The following POLN variants were observed in gnomAD, a reference collection of about 807,000 sequenced individuals.
POLN encodes DNA polymerase nu.
POLN carries 108 observed loss-of-function variants against 113.5 expected under a neutral mutation model. The ratio of observed to expected loss-of-function variants is 0.95; its 90% CI spans 0.81 to 1.12. The LOEUF is 1.12. Among genes scored for constraint, POLN ranks in the 50% most tolerant of loss-of-function variants. The pLI is 0.00. For missense variants in POLN, 1,097 were observed against 1,077.1 expected, an observed-to-expected ratio of 1.02 and a Z score of -0.26; for synonymous variants, 386 against 391.5, an observed-to-expected ratio of 0.99 and a Z score of 0.17.
chr4:2,207,020 T>C (rs1393055300), intron 5 of POLN, among the ~76,000 whole-genome samples: 1 of 151,732 alleles, frequency 6.6e-6, no homozygotes, highest in South Asian at 2.1e-4. Context: ...AATCAAGGAG[T>C]GAATAAAGAA....
At chr4:2,149,858 C>T (rs530695042) in intron 16 of POLN, among the ~76,000 whole-genome samples, 72 of 152,016 alleles carry the variant, frequency 4.7e-4, no homozygotes, top group Admixed American at 6.6e-4. Flanking sequence ...CCAAGGAGGG[C>T]GGATCACGAG....
intron 16 of POLN, among the ~76,000 whole-genome samples, chr4:2,148,646 G>T (rs951138655): frequency 6.9e-6 from 1 of 145,208 alleles, no homozygotes; most frequent in East Asian, 2.0e-4. Context: ...CAGCCTGGGC[G>T]ACAGAGCGAG....
chr4:2,077,672 T>C (rs1172959792), intron 23 of POLN, among the ~76,000 whole-genome samples: 1 of 152,264 alleles, frequency 6.6e-6, no homozygotes, highest in East Asian at 1.9e-4. Context: ...TTTTTCCAGA[T>C]TTAGCAGAAG....
intron 7 of POLN, among the ~76,000 whole-genome samples, chr4:2,187,799 C>T (rs1733316683): frequency 6.6e-6 from 1 of 152,046 alleles, no homozygotes; most frequent in Non-Finnish European, 1.5e-5. Context: ...AGTGGGATAA[C>T]CTATTCAAAG....
At chr4:2,177,601 C>G (rs1249239097) in intron 8 of POLN, among the ~76,000 whole-genome samples, 1 of 152,226 alleles carries the variant, frequency 6.6e-6, no homozygotes, top group Non-Finnish European at 1.5e-5. Context: ...GAGTTGAACC[C>G]TGGCCTCAAT....
At chr4:2,208,534 C>T (rs771398720) in intron 4 of POLN, 47 bp from the exon 5 acceptor site, 2 of 1,399,232 alleles carry the variant, frequency 1.4e-6, no homozygotes, top group South Asian at 1.5e-5. Flanking sequence ...ACTCATAAGA[C>T]AGATCTATAA....
chr4:2,133,534 G>A (rs2108727270), intron 16 of POLN, among the ~76,000 whole-genome samples: 1 of 152,268 alleles, frequency 6.6e-6, no homozygotes, highest in Middle Eastern at 3.4e-3. Flanking sequence ...TAAGCCTGGA[G>A]GCCATTATGC....
At chr4:2,144,381 G>A (rs1237759826) in intron 16 of POLN, among the ~76,000 whole-genome samples, 2 of 151,978 alleles carry the variant, frequency 1.3e-5, no homozygotes, top group African/African-American at 2.4e-5. Context: ...CTGACCTTGT[G>A]ATCTGCCTGC....
At chr4:2,181,227 C>G (rs1733133413) in intron 7 of POLN, among the ~76,000 whole-genome samples, 1 of 152,176 alleles carries the variant, frequency 6.6e-6, no homozygotes, top group Non-Finnish European at 1.5e-5. Flanking sequence ...TCACTGCAAC[C>G]TCTGCCTCTC....
At chr4:2,133,652 T>TTA (rs1306362526) in intron 16 of POLN, among the ~76,000 whole-genome samples, 6 of 152,218 alleles carry the variant, frequency 3.9e-5, no homozygotes, top group African/African-American at 1.4e-4. Context: ...GAAAACAACT[T>TTA]TATTAACTAG....
chr4:2,140,005 C>T (rs1312129100), intron 16 of POLN: 1 of 152,148 alleles, frequency 6.6e-6, no homozygotes, highest in African/African-American at 2.4e-5. Context: ...AGAACACTTC[C>T]TATTAGAACT....
intron 17 of POLN, among the ~76,000 whole-genome samples, chr4:2,129,479 C>T (rs1731667838): frequency 6.6e-6 from 1 of 152,024 alleles, no homozygotes; most frequent in Non-Finnish European, 1.5e-5. Flanking sequence ...GCCTCGCACT[C>T]CAGGGCTTAA....
At position 2,127,214 on chromosome 4, in the gene POLN, C is replaced by T. The variant is rs1577709085; in HGVS notation, c.1982+899G>A. On this transcript the variant is annotated intron_variant, in intron 19 of 25. Coordinates refer to ENST00000511885, the MANE Select transcript of POLN (RefSeq NM_181808.4). The surrounding 1 kb of genome is among the most constrained non-coding windows in gnomAD (Gnocchi z 4.7). ...GGCCCAAGGTGATGGGGAGGTGGCA[C>T]CTGCAGCTGATGAGGGAGGGGACAG... 6.6e-6 allele frequency among the ~76,000 whole-genome samples: 1 copy of T among 151,484 alleles called. No individual in the cohort carries two copies. Among genetic ancestry groups the T allele is most frequent in the African/African-American group, 2.4e-5 (1 of 41,150 alleles).
intron 5 of POLN, among the ~76,000 whole-genome samples, chr4:2,207,750 G>T (rs1733888161): frequency 6.6e-6 from 1 of 152,194 alleles, no homozygotes; most frequent in African/African-American, 2.4e-5. Context: ...AGGAGGTGGA[G>T]AATTTGAAAC....
At chr4:2,222,014 G>A (rs1018466895) in intron 3 of POLN, among the ~76,000 whole-genome samples, 5 of 152,156 alleles carry the variant, frequency 3.3e-5, no homozygotes, top group African/African-American at 1.2e-4. Flanking sequence ...GCCACCTTGG[G>A]CACGTCTCAG....
intron 19 of POLN, among the ~76,000 whole-genome samples, chr4:2,116,414 A>G (rs1212863449): frequency 3.3e-5 from 5 of 152,186 alleles, no homozygotes; most frequent in Non-Finnish European, 7.3e-5. Context: ...TCACTTAGCT[A>G]TATCACCAGC....
chr4:2,175,970 A>G (rs1732984885), intron 9 of POLN, among the ~76,000 whole-genome samples: 1 of 152,098 alleles, frequency 6.6e-6, no homozygotes, highest in Admixed American at 6.5e-5. Flanking sequence ...TGTCCATCCC[A>G]CTATTAATCA....
At chr4:2,204,663 C>T (rs1443911611) in intron 5 of POLN, among the ~76,000 whole-genome samples, 1 of 152,202 alleles carries the variant, frequency 6.6e-6, no homozygotes, top group Non-Finnish European at 1.5e-5. Context: ...ACCAATATCT[C>T]TGATGAACAT....
chr4:2,207,881 A>T, intron 5 of POLN, 106 bp downstream of exon 5: 5 of 1,298,664 alleles, frequency 3.9e-6, no homozygotes, highest in Non-Finnish European at 5.2e-6. Context: ...GGGGAAGGAA[A>T]GCCTTAAAAT....
Sources: allele counts gnomAD v4.1 joint callset (sites outside exome capture counted in the v4.1 genomes callset), GRCh38; gene constraint gnomAD v4.1.1; non-coding constraint Gnocchi (gnomAD v3.1); transcripts MANE v1.5; gene names NCBI Gene and HGNC (gene_info 2026-07-23, HGNC 2026-07-21).